Variants in TMEM181 observed in about 807,000 individuals in gnomAD.
TMEM181 encodes the protein G protein-coupled receptor 178.
TMEM181 carries 39 observed loss-of-function variants against 71.9 expected under a neutral mutation model. The observed-to-expected ratio is 0.54, with a 90% CI of 0.42 to 0.71. The LOEUF (loss-of-function observed/expected upper bound fraction) is 0.71, where lower values mean the gene tolerates loss of function less well. Among genes scored for constraint, TMEM181 ranks in the 30% least tolerant of loss-of-function variants. TMEM181 has a pLI of 0.00. For synonymous variants in TMEM181, 245 were observed against 228.8 expected, an observed-to-expected ratio of 1.07 and a Z score of -0.64; for missense variants, 595 against 583.0, an observed-to-expected ratio of 1.02 and a Z score of -0.21.
chr6:158,585,446 C>T, intron 5 of TMEM181, 21 bp downstream of exon 5: 1 of 1,556,782 alleles, frequency 6.4e-7, no homozygotes, highest in South Asian at 1.2e-5. Flanking sequence ...GGGGTGAGCC[C>T]CACAGTCAGT....
intron 6 of TMEM181, among the ~76,000 whole-genome samples, chr6:158,597,305 G>C (rs1007881418): frequency 2.6e-5 from 4 of 152,054 alleles, no homozygotes; most frequent in African/African-American, 9.7e-5. Context: ...CCACACACCG[G>C]GTAATTTATA....
intron 2 of TMEM181, among the ~76,000 whole-genome samples, chr6:158,577,861 C>T (rs1378004547): frequency 4.6e-5 from 7 of 152,122 alleles, no homozygotes; most frequent in African/African-American, 1.2e-4. Flanking sequence ...GAGGCTGAGG[C>T]GGGTGGATCA....
chr6:158,607,040 GA>G (rs1170353303), intron 7 of TMEM181, among the ~76,000 whole-genome samples: 1 of 152,232 alleles, frequency 6.6e-6, no homozygotes, highest in Non-Finnish European at 1.5e-5. Flanking sequence ...CTTCTCTGCA[GA>G]AAGTAACAAC....
At chr6:158,585,494 T>C (rs755259470) in intron 5 of TMEM181, 69 bp downstream of exon 5, 5 of 1,363,012 alleles carry the variant, frequency 3.7e-6, no homozygotes, top group Non-Finnish European at 4.8e-6. Flanking sequence ...AGAGCCACTT[T>C]CCAGTCTAAA....
chr6:158,565,536 T>TG (rs560545454), intron 1 of TMEM181, among the ~76,000 whole-genome samples: 174 of 152,208 alleles, frequency 1.1e-3, no homozygotes, highest in African/African-American at 3.6e-3. Context: ...GAGACAACGC[T>TG]GGGGGGAGAA....
intron 10 of TMEM181, among the ~76,000 whole-genome samples, chr6:158,613,796 T>G (rs1219197758): frequency 6.6e-6 from 1 of 152,226 alleles, no homozygotes; most frequent in African/African-American, 2.4e-5. Context: ...ATAACTAGTT[T>G]TCAAATTCTA....
chr6:158,543,629 C>G (rs1457704341), intron 1 of TMEM181, among the ~76,000 whole-genome samples: 1 of 152,342 alleles, frequency 6.6e-6, no homozygotes, highest in South Asian at 2.1e-4. Context: ...TATCATCTCC[C>G]TGTGTCTTCA....
intron 10 of TMEM181, among the ~76,000 whole-genome samples, chr6:158,611,864 G>A (rs907700027): frequency 6.6e-6 from 1 of 152,186 alleles, no homozygotes; most frequent in African/African-American, 2.4e-5. Flanking sequence ...AAGGGTTCAG[G>A]GCAGAAGAGG....
chr6:158,608,780 A>C, intron 10 of TMEM181, 30 bp downstream of exon 10: 2 of 1,593,842 alleles, frequency 1.3e-6, no homozygotes, highest in Non-Finnish European at 1.7e-6. Context: ...GTGAAACTTC[A>C]GTCATGAAAA....
intron 1 of TMEM181, among the ~76,000 whole-genome samples, chr6:158,571,309 G>A (rs981787023): frequency 2.7e-5 from 4 of 149,602 alleles, no homozygotes; most frequent in Non-Finnish European, 5.9e-5. Flanking sequence ...GTGTTAGCAG[G>A]ATGGTCTCGA....
intron 2 of TMEM181, among the ~76,000 whole-genome samples, chr6:158,577,263 T>C (rs1783218337): frequency 6.6e-6 from 1 of 151,660 alleles, no homozygotes. Context: ...AATGTATGAA[T>C]AAAAAGATAG....
chr6:158,581,129 T>TGTGTTG (rs1783446567), intron 3 of TMEM181, 134 bp downstream of exon 3: 4 of 817,480 alleles, frequency 4.9e-6, no homozygotes, highest in Non-Finnish European at 7.7e-6. Flanking sequence ...ACATTTCTTC[T>TGTGTTG]TCCATTGTCA....
intron 13 of TMEM181, among the ~76,000 whole-genome samples, chr6:158,626,883 C>G (rs534050828): frequency 2.0e-5 from 3 of 150,582 alleles, no homozygotes; most frequent in East Asian, 2.0e-4. Context: ...CTCACACTCT[C>G]ACACCCCCAC....
chr6:158,612,080 G>C (rs73014252), intron 10 of TMEM181, among the ~76,000 whole-genome samples: 3 of 151,902 alleles, frequency 2.0e-5, no homozygotes, highest in African/African-American at 7.3e-5. Context: ...GCCCATTTTT[G>C]GGGGCCCATT....
chr6:158,567,038 A>G (rs1582952733), intron 1 of TMEM181, among the ~76,000 whole-genome samples: 1 of 152,208 alleles, frequency 6.6e-6, no homozygotes, highest in African/African-American at 2.4e-5. Flanking sequence ...GGGCCCAAAG[A>G]GTCAAGGGGA....
chr6:158,560,652 G>T (rs945761767), intron 1 of TMEM181, among the ~76,000 whole-genome samples: 5 of 152,212 alleles, frequency 3.3e-5, no homozygotes, highest in African/African-American at 1.2e-4. Context: ...CCTCGGTATC[G>T]AGAGCGCCCC....
chr6:158,572,546 C>A, intron 1 of TMEM181: 1 of 453,412 alleles, frequency 2.2e-6, no homozygotes, highest in South Asian at 1.6e-5. Flanking sequence ...TGGGACACAG[C>A]CATGCTCGTG....
intron 6 of TMEM181, among the ~76,000 whole-genome samples, chr6:158,594,122 T>A (rs1217061439): frequency 2.4e-5 from 3 of 123,870 alleles, no homozygotes; most frequent in African/African-American, 9.9e-5. Flanking sequence ...TTTTTTTTTC[T>A]GAGACAGAGT....
intron 6 of TMEM181, among the ~76,000 whole-genome samples, chr6:158,595,779 A>G (rs948994322): frequency 6.6e-6 from 1 of 152,098 alleles, no homozygotes; most frequent in Non-Finnish European, 1.5e-5. Context: ...GGGGTAGGTT[A>G]GTGGCTGGAA....
Sources: allele counts gnomAD v4.1 joint callset (sites outside exome capture counted in the v4.1 genomes callset), GRCh38; gene constraint gnomAD v4.1.1; transcripts MANE v1.5; gene names NCBI Gene and HGNC (gene_info 2026-07-23, HGNC 2026-07-21).